KIAA1217: variants seen among roughly 807,000 people sequenced by gnomAD.
The protein encoded by KIAA1217 is sickle tail protein homolog.
In KIAA1217, 88 loss-of-function variants were observed where a neutral mutation model predicts 163.9. The observed-to-expected ratio is 0.54, with a 90% CI of 0.45 to 0.64. The LOEUF (loss-of-function observed/expected upper bound fraction) is 0.64. Among genes scored for constraint, KIAA1217 ranks in the 30% least tolerant of loss-of-function variants. The pLI is 0.00. For missense variants in KIAA1217, 2,372 were observed against 2,475.0 expected, an observed-to-expected ratio of 0.96 and a Z score of 0.88; for synonymous variants, 903 against 923.1, an observed-to-expected ratio of 0.98 and a Z score of 0.39.
chr10:23,780,724 A>G (rs992547725), intron 1 of KIAA1217, among the ~76,000 whole-genome samples: 2 of 152,080 alleles, frequency 1.3e-5, no homozygotes, highest in African/African-American at 2.4e-5. Flanking sequence ...CTTGTTGCCC[A>G]GGCTGGAGTG....
chr10:24,252,717 G>C (rs1213565739), intron 2 of KIAA1217, among the ~76,000 whole-genome samples: 1 of 152,140 alleles, frequency 6.6e-6, no homozygotes, highest in African/African-American at 2.4e-5. Context: ...TATTGCCCTA[G>C]TCTCTGGGAT....
intron 3 of KIAA1217, among the ~76,000 whole-genome samples, chr10:24,417,558 C>T (rs2058359435): frequency 2.6e-5 from 4 of 152,098 alleles, no homozygotes; most frequent in Admixed American, 6.6e-5. Context: ...GTGATTTCCA[C>T]GAGAGCATAG....
chr10:23,764,009 A>T (rs1038702096), intron 1 of KIAA1217, among the ~76,000 whole-genome samples: 2 of 152,174 alleles, frequency 1.3e-5, no homozygotes, highest in African/African-American at 4.8e-5. Context: ...CTATCATCAA[A>T]GTGAACAGGC....
chr10:24,349,192 G>C (rs2048170061), intron 2 of KIAA1217, among the ~76,000 whole-genome samples: 1 of 150,844 alleles, frequency 6.6e-6, no homozygotes, highest in Non-Finnish European at 1.5e-5. Context: ...TTTGTAGCAG[G>C]TTACACTGAG....
At chr10:24,402,923 G>T (rs1405397926) in intron 3 of KIAA1217, among the ~76,000 whole-genome samples, 1 of 152,172 alleles carries the variant, frequency 6.6e-6, no homozygotes, top group African/African-American at 2.4e-5. Flanking sequence ...TTGAGGTCAG[G>T]AGTTGGAGAC....
intron 2 of KIAA1217, among the ~76,000 whole-genome samples, chr10:24,364,056 G>A (rs1033556276): frequency 2.0e-5 from 3 of 150,480 alleles, no homozygotes; most frequent in South Asian, 2.1e-4. Context: ...TTGGCTCGCC[G>A]CAACCTCCGC....
At chr10:24,526,029 T>C (rs1026644559) in intron 13 of KIAA1217, among the ~76,000 whole-genome samples, 1 of 152,202 alleles carries the variant, frequency 6.6e-6, no homozygotes, top group African/African-American at 2.4e-5. Context: ...TGTTTTTAAA[T>C]ATTCTTTTTA....
intron 3 of KIAA1217, among the ~76,000 whole-genome samples, chr10:24,381,716 C>T (rs1016605086): frequency 5.3e-5 from 8 of 152,112 alleles, no homozygotes; most frequent in East Asian, 1.9e-4. Context: ...AGGAACTGAC[C>T]GTAGAATGAT....
chr10:24,159,778 G>A (rs896106983), intron 2 of KIAA1217, among the ~76,000 whole-genome samples: 18 of 151,318 alleles, frequency 1.2e-4, no homozygotes, highest in South Asian at 2.1e-4. Flanking sequence ...GCTAGACTCC[G>A]TCTCAAAAAA....
chr10:24,210,178 G>T (rs2130616002), intron 1 of KIAA1217, among the ~76,000 whole-genome samples: 1 of 152,236 alleles, frequency 6.6e-6, no homozygotes, highest in South Asian at 2.1e-4. Flanking sequence ...ATGCACAGGG[G>T]AAAAGGTGTG....
At chr10:24,046,801 G>A (rs1849062756) in intron 2 of KIAA1217, among the ~76,000 whole-genome samples, 1 of 152,158 alleles carries the variant, frequency 6.6e-6, no homozygotes, top group Non-Finnish European at 1.5e-5. Flanking sequence ...CAGACAATAA[G>A]AAGTAGAGCC....
intron 3 of KIAA1217, among the ~76,000 whole-genome samples, chr10:24,405,121 A>G (rs1183273086): frequency 6.6e-6 from 1 of 152,172 alleles, no homozygotes; most frequent in Non-Finnish European, 1.5e-5. Flanking sequence ...TTAATAACAA[A>G]TACATACACA....
At chr10:23,743,843 A>G (rs1309641011) in intron 1 of KIAA1217, among the ~76,000 whole-genome samples, 1 of 151,964 alleles carries the variant, frequency 6.6e-6, no homozygotes, top group Non-Finnish European at 1.5e-5. Flanking sequence ...CATTGGGCTG[A>G]TGTTTGAATG....
At chr10:23,745,401 C>T (rs1052359372) in intron 1 of KIAA1217, among the ~76,000 whole-genome samples, 4 of 152,092 alleles carry the variant, frequency 2.6e-5, no homozygotes, top group Middle Eastern at 3.2e-3. Flanking sequence ...TCGAGTTGCT[C>T]GGTTTGTCTG....
At chr10:23,813,721 C>T (rs114749019) in intron 1 of KIAA1217, among the ~76,000 whole-genome samples, 1,790 of 152,278 alleles carry the variant, frequency 0.012, 29 homozygotes, top group African/African-American at 0.041. Context: ...ATACCTAAGT[C>T]TATCCCTAGA....
intron 9 of KIAA1217, among the ~76,000 whole-genome samples, chr10:24,510,918 A>G (rs1266725978): frequency 6.6e-6 from 1 of 152,076 alleles, no homozygotes; most frequent in Non-Finnish European, 1.5e-5. Context: ...AATGTTACTG[A>G]TTCATTCAGT....
chr10:23,711,254 C>T lies in KIAA1217; in HGVS notation c.-321+16020C>T, dbSNP rs188044415. Among the ~76,000 whole-genome samples the T allele has an allele frequency of 1.3e-3, 193 of 152,202 alleles. 1 individual carries two copies. Among genetic ancestry groups the T allele is most frequent in the Middle Eastern group, 0.01 (3 of 294 alleles). ...CTAAAAGCTGTGGCTATTTTACCTC[C>T]GAAAGCAAAAGAGACTTTGCAGATG... On this transcript the variant is annotated intron_variant, in intron 1 of 18. Coordinates refer to the KIAA1217 transcript ENST00000376462.
intron 1 of KIAA1217, among the ~76,000 whole-genome samples, chr10:23,714,949 A>C (rs12249350): frequency 0.07 from 10,695 of 152,224 alleles, 1,242 homozygotes; most frequent in African/African-American, 0.23. Flanking sequence ...CAGGACAATT[A>C]AAGTTGACCC....
rs74733605 is a variant in KIAA1217, at chr10:24,371,007, A to T, written c.355-9862A>T. Reference sequence around the variant, plus strand: ...GATCCAGACTTGGAACTTACCGATGATCTAATTTTCTAACTTGGTAGAAGG... The same window carrying T: ...GATCCAGACTTGGAACTTACCGATGTTCTAATTTTCTAACTTGGTAGAAGG... On this transcript the variant is annotated intron_variant, in intron 2 of 20. Transcript: ENST00000376454. Among the ~76,000 whole-genome samples the T allele has an allele frequency of 2.0e-5, 3 of 152,228 alleles. No homozygotes were observed. The South Asian group carries it at 6.2e-4, about 31-fold the overall frequency.
Sources: gnomAD v4.1 joint callset for allele counts (sites outside exome capture counted in the v4.1 genomes callset) on GRCh38, gnomAD v4.1.1 for gene constraint, MANE v1.5 for transcripts, NCBI Gene and HGNC (gene_info 2026-07-23, HGNC 2026-07-21) for gene names.